Variants in SYNDIG1L observed in about 807,000 individuals in gnomAD.
SYNDIG1L encodes synapse differentiation-inducing gene protein 1-like.
A neutral mutation model predicts 20.1 loss-of-function variants in SYNDIG1L; 13 were observed. The observed-to-expected ratio is 0.65, with a 90% CI of 0.42 to 1.03. SYNDIG1L has a LOEUF of 1.03. Among genes scored for constraint, SYNDIG1L ranks in the 50% least tolerant of loss-of-function variants. SYNDIG1L has a pLI of 0.00. For synonymous variants in SYNDIG1L, 128 were observed against 129.3 expected, an observed-to-expected ratio of 0.99 and a Z score of 0.07; for missense variants, 294 against 305.1, an observed-to-expected ratio of 0.96 and a Z score of 0.27.
chr14:74,420,920 C>T (rs971438029), intron 1 of SYNDIG1L, among the ~76,000 whole-genome samples: 1 of 152,090 alleles, frequency 6.6e-6, no homozygotes, highest in African/African-American at 2.4e-5. Flanking sequence ...CAAACTTAGC[C>T]AACTTCAGAG....
At chr14:74,413,031 C>T (rs1386464940) in intron 1 of SYNDIG1L, among the ~76,000 whole-genome samples, 1 of 152,206 alleles carries the variant, frequency 6.6e-6, no homozygotes, top group Non-Finnish European at 1.5e-5. Context: ...ACCAGGAGGA[C>T]TGCCCTCCTG....
chr14:74,458,496 C>T, the SYNDIG1L span, among the ~76,000 whole-genome samples: 1 of 151,772 alleles, frequency 6.6e-6, no homozygotes, highest in African/African-American at 2.4e-5. Context: ...GTGGCAGGTG[C>T]CTGTAATCCC....
chr14:74,434,980 G>A, the SYNDIG1L span, among the ~76,000 whole-genome samples: 1 of 150,712 alleles, frequency 6.6e-6, no homozygotes, highest in African/African-American at 2.4e-5. Flanking sequence ...CTGCTCGGGA[G>A]GCGGAGGCAG....
chr14:74,431,852 A>G, the SYNDIG1L span, among the ~76,000 whole-genome samples: 1 of 152,190 alleles, frequency 6.6e-6, no homozygotes, highest in Non-Finnish European at 1.5e-5. Context: ...GCTGAACTCA[A>G]AGGCTGAGCC....
At chr14:74,425,808 A>C (rs1303344797) in intron 1 of SYNDIG1L, 104 bp downstream of exon 1, 1 of 152,170 alleles carries the variant, frequency 6.6e-6, no homozygotes, top group Non-Finnish European at 1.5e-5. Flanking sequence ...CCAAGCAGGG[A>C]GTCAGAGCCC....
At position 74,412,129 on chromosome 14, in the gene SYNDIG1L, C is replaced by CA. The variant is rs113021145; in HGVS notation, c.-57-2329dup. 2.6e-4 allele frequency among the ~76,000 whole-genome samples: 39 copies of CA among 152,298 alleles called. 1 individual carries two copies. Among genetic ancestry groups the CA allele is most frequent in the African/African-American group, 8.4e-4 (35 of 41,576 alleles). On this transcript the variant is annotated intron_variant, in intron 1 of 3. Transcript: ENST00000331628. Reference sequence around the variant, plus strand: ...GGCCTCCTCCTTCCTCTCTGGGGGTCAAAAATACAGGGAACCCCTTGGATT... The same window carrying CA: ...GGCCTCCTCCTTCCTCTCTGGGGGTCAAAAAATACAGGGAACCCCTTGGATT...
At chr14:74,471,425 C>T in the SYNDIG1L span, among the ~76,000 whole-genome samples, 4 of 152,008 alleles carry the variant, frequency 2.6e-5, no homozygotes, top group Non-Finnish European at 5.9e-5. Flanking sequence ...GGCAAAACTC[C>T]GTCTCTACAA....
At chr14:74,449,464 A>AAAAAAAAAAAT in the SYNDIG1L span, among the ~76,000 whole-genome samples, 1 of 144,754 alleles carries the variant, frequency 6.9e-6, no homozygotes, top group African/African-American at 2.5e-5. Flanking sequence ...AAAAAAAAAA[A>AAAAAAAAAAAT]AGCCAGGCAA....
chr14:74,426,281 T>C (rs1017482164), upstream of SYNDIG1L, among the ~76,000 whole-genome samples: 4 of 152,078 alleles, frequency 2.6e-5, no homozygotes, highest in African/African-American at 9.6e-5. Flanking sequence ...GCTTCCGTGC[T>C]CCGTGCTCCC....
At chr14:74,475,109 T>C in the SYNDIG1L span, among the ~76,000 whole-genome samples, 1 of 152,070 alleles carries the variant, frequency 6.6e-6, no homozygotes, top group Admixed American at 6.6e-5. Flanking sequence ...GCCATCAGTC[T>C]TGAAAGGCAC....
At chr14:74,443,977 T>A in the SYNDIG1L span, among the ~76,000 whole-genome samples, 2 of 152,370 alleles carry the variant, frequency 1.3e-5, no homozygotes, top group East Asian at 1.9e-4. Context: ...CTCTTGCAGC[T>A]CTTAGAGCCC....
chr14:74,419,357 C>T (rs1397527585), intron 1 of SYNDIG1L, among the ~76,000 whole-genome samples: 1 of 152,190 alleles, frequency 6.6e-6, no homozygotes, highest in Non-Finnish European at 1.5e-5. Context: ...CCTGCATTCC[C>T]TTGCGTGGCA....
chr14:74,413,189 T>C lies in SYNDIG1L; in HGVS notation c.-57-3388A>G, dbSNP rs112220360. On this transcript the variant is annotated intron_variant, in intron 1 of 3. Transcript: ENST00000331628. Reference sequence around the variant, plus strand: ...TCCTGTCAGACTTTCTTGGTCAAAGTACACCCAGCTGAGCCTCCGCAATCC... The same window carrying C: ...TCCTGTCAGACTTTCTTGGTCAAAGCACACCCAGCTGAGCCTCCGCAATCC... Among the ~76,000 whole-genome samples, 384 of 152,324 alleles carry C rather than the reference T, an allele frequency of 2.5e-3. 4 individuals are homozygous for C. Among genetic ancestry groups the C allele is most frequent in the African/African-American group, 8.8e-3 (366 of 41,564 alleles).
the SYNDIG1L span, among the ~76,000 whole-genome samples, chr14:74,451,342 G>A: frequency 6.6e-6 from 1 of 152,152 alleles, no homozygotes; most frequent in Non-Finnish European, 1.5e-5. Context: ...AAACAGTGCT[G>A]AAACAATTGG....
chr14:74,477,009 T>C, the SYNDIG1L span, among the ~76,000 whole-genome samples: 2 of 145,378 alleles, frequency 1.4e-5, no homozygotes, highest in Admixed American at 1.4e-4. Context: ...TTTGGGTCAC[T>C]CAACCCTGTC....
the SYNDIG1L span, among the ~76,000 whole-genome samples, chr14:74,452,022 C>CTGAATAAT: frequency 1.1e-4 from 15 of 136,748 alleles, no homozygotes; most frequent in East Asian, 3.2e-3. Context: ...ACCCCTGTAA[C>CTGAATAAT]TGAATAATAA....
chr14:74,470,631 T>TG, the SYNDIG1L span, among the ~76,000 whole-genome samples: 1 of 152,156 alleles, frequency 6.6e-6, no homozygotes, highest in Non-Finnish European at 1.5e-5. Context: ...GAGATTATGT[T>TG]GGGGGAGTTA....
the SYNDIG1L span, among the ~76,000 whole-genome samples, chr14:74,458,703 A>T: frequency 6.6e-6 from 1 of 151,868 alleles, no homozygotes; most frequent in African/African-American, 2.4e-5. Flanking sequence ...CACCCAGAAA[A>T]TTTTTTTTGT....
chr14:74,447,796 G>A, the SYNDIG1L span, among the ~76,000 whole-genome samples: 2 of 152,082 alleles, frequency 1.3e-5, no homozygotes, highest in South Asian at 2.1e-4. Flanking sequence ...GAATACAAAC[G>A]TAATAAAGAT....
Sources: gnomAD v4.1 joint callset for allele counts (sites outside exome capture counted in the v4.1 genomes callset) on GRCh38, gnomAD v4.1.1 for gene constraint, MANE v1.5 for transcripts, NCBI Gene and HGNC (gene_info 2026-07-23, HGNC 2026-07-21) for gene names.